NRXN3: variants seen among roughly 807,000 people sequenced by gnomAD.
NRXN3 encodes the protein neurexin 3, also known as neurexin III.
Under a neutral mutation model 137.6 loss-of-function variants are expected in NRXN3, and 32 were observed. The observed-to-expected ratio is 0.23, with a 90% confidence interval of 0.18 to 0.31. The LOEUF (loss-of-function observed/expected upper bound fraction) is 0.31. NRXN3 is among the 10% of genes least tolerant of loss of function. NRXN3 has a pLI of 1.00. For synonymous variants in NRXN3, 798 were observed against 784.5 expected, an observed-to-expected ratio of 1.02 and a Z score of -0.29; for missense variants, 1,574 against 2,062.5, an observed-to-expected ratio of 0.76 and a Z score of 4.59.
intron 6 of NRXN3, chr14:78,695,393 A>AGT (rs1594828709): frequency 1.3e-5 from 2 of 152,056 alleles, no homozygotes; most frequent in East Asian, 3.8e-4. Context: ...GTAGATTCAA[A>AGT]GTGCTTGATC....
chr14:79,503,331 G>C (rs750804717), intron 16 of NRXN3, among the ~76,000 whole-genome samples: 2 of 152,054 alleles, frequency 1.3e-5, no homozygotes, highest in African/African-American at 2.4e-5. Context: ...CACTGACACA[G>C]CATAAATAGA....
intron 4 of NRXN3, among the ~76,000 whole-genome samples, chr14:78,422,006 T>A (rs2153678303): frequency 6.6e-6 from 1 of 152,332 alleles, no homozygotes; most frequent in South Asian, 2.1e-4. Context: ...CGTTTATTAG[T>A]TGGCTCATGG....
chr14:79,308,084 G>C (rs963671104), intron 15 of NRXN3, among the ~76,000 whole-genome samples: 1 of 152,084 alleles, frequency 6.6e-6, no homozygotes, highest in South Asian at 2.1e-4. Context: ...AGTCATGATT[G>C]AGGCTCATGC....
intron 16 of NRXN3, among the ~76,000 whole-genome samples, chr14:79,521,961 T>C (rs2097069836): frequency 6.6e-6 from 1 of 152,154 alleles, no homozygotes; most frequent in Non-Finnish European, 1.5e-5. Context: ...TGTTGGGTCA[T>C]ATTTTGCTTT....
chr14:79,057,083 A>T (rs1411866151), intron 15 of NRXN3, among the ~76,000 whole-genome samples: 1 of 152,220 alleles, frequency 6.6e-6, no homozygotes, highest in Non-Finnish European at 1.5e-5. Flanking sequence ...AGACCACTGG[A>T]ATGTATACAT....
intron 15 of NRXN3, among the ~76,000 whole-genome samples, chr14:79,068,777 C>T (rs1421847248): frequency 1.3e-5 from 2 of 151,876 alleles, no homozygotes; most frequent in African/African-American, 2.4e-5. Context: ...TCAGTGAATA[C>T]GTATGCACAG....
At chr14:78,463,093 G>T (rs1433026031) in intron 4 of NRXN3, among the ~76,000 whole-genome samples, 1 of 152,136 alleles carries the variant, frequency 6.6e-6, no homozygotes, top group African/African-American at 2.4e-5. Flanking sequence ...AGTGAGACAT[G>T]CTGTATTTGA....
intron 4 of NRXN3, among the ~76,000 whole-genome samples, chr14:78,359,551 T>TC (rs1465887904): frequency 3.3e-5 from 5 of 152,178 alleles, no homozygotes; most frequent in African/African-American, 1.2e-4. Flanking sequence ...AGAGTTGAGC[T>TC]ACTGTATTAG....
chr14:78,335,137 T>G (rs2081308936), intron 4 of NRXN3, among the ~76,000 whole-genome samples: 1 of 152,162 alleles, frequency 6.6e-6, no homozygotes, highest in Non-Finnish European at 1.5e-5. Flanking sequence ...CTTCTTTCCC[T>G]CTAAATCCCT....
chr14:79,380,129 G>C (rs2153451709), intron 15 of NRXN3, among the ~76,000 whole-genome samples: 1 of 148,166 alleles, frequency 6.7e-6, no homozygotes, highest in East Asian at 2.0e-4. Context: ...CAGGGAACAG[G>C]AGACCTAGAT....
At chr14:78,617,390 T>A (rs946481790) in intron 4 of NRXN3, among the ~76,000 whole-genome samples, 4 of 152,100 alleles carry the variant, frequency 2.6e-5, no homozygotes, top group Non-Finnish European at 5.9e-5. Flanking sequence ...AATGGTAGTG[T>A]TAAGAGTTTT....
chr14:79,155,394 G>T (rs1273260036), intron 15 of NRXN3, among the ~76,000 whole-genome samples: 1 of 151,772 alleles, frequency 6.6e-6, no homozygotes, highest in Admixed American at 6.6e-5. Flanking sequence ...CATGAAAAAG[G>T]TACGGTATTG....
chr14:78,760,126 C>T (rs1032312757), intron 8 of NRXN3, among the ~76,000 whole-genome samples: 1 of 140,476 alleles, frequency 7.1e-6, no homozygotes, highest in Non-Finnish European at 1.5e-5. Context: ...ACTGCAACAA[C>T]CTCTTTCTCC....
At chr14:79,727,262 TTGGTTGGCTTCCGG>T (rs1048534275) in intron 19 of NRXN3, among the ~76,000 whole-genome samples, 49 of 147,754 alleles carry the variant, frequency 3.3e-4, no homozygotes, top group African/African-American at 1.2e-3. Context: ...AAACCTTTAA[TTGGTTGGCTTCCGG>T]TAAATTGCAG....
chr14:78,542,667 A>C (rs1194838045), intron 4 of NRXN3, among the ~76,000 whole-genome samples: 1 of 152,042 alleles, frequency 6.6e-6, no homozygotes, highest in Non-Finnish European at 1.5e-5. Context: ...GCCCCACCCT[A>C]CTTCAGCTTG....
intron 15 of NRXN3, among the ~76,000 whole-genome samples, chr14:79,114,367 T>C (rs1371162045): frequency 2.6e-5 from 4 of 152,198 alleles, no homozygotes; most frequent in Non-Finnish European, 5.9e-5. Flanking sequence ...ATATATTCTT[T>C]TTTTTTGTTA....
intron 20 of NRXN3, among the ~76,000 whole-genome samples, chr14:79,832,095 T>A (rs2099325681): frequency 6.6e-6 from 1 of 152,174 alleles, no homozygotes; most frequent in Non-Finnish European, 1.5e-5. Context: ...CACATACTTC[T>A]ATATAATTTA....
intron 2 of NRXN3, among the ~76,000 whole-genome samples, chr14:78,263,876 TGTGTG>T (rs2071221967): frequency 1.8e-4 from 1 of 5,480 alleles, no homozygotes; most frequent in Non-Finnish European, 3.7e-4. Flanking sequence ...TTCTATTTTG[TGTGTG>T]TGTGTGTGTG....
At chr14:79,124,066 C>T (rs2055972630) in intron 15 of NRXN3, among the ~76,000 whole-genome samples, 2 of 152,148 alleles carry the variant, frequency 1.3e-5, no homozygotes. Flanking sequence ...TGACGCCAAT[C>T]AAAACTTCTG....
Sources: gnomAD v4.1 joint callset for allele counts (sites outside exome capture counted in the v4.1 genomes callset) on GRCh38, gnomAD v4.1.1 for gene constraint, MANE v1.5 for transcripts, NCBI Gene and HGNC (gene_info 2026-07-23, HGNC 2026-07-21) for gene names.